The following PARD3B variants were observed in gnomAD, a reference collection of about 807,000 sequenced individuals.
The protein encoded by PARD3B is par-3 family cell polarity regulator beta.
PARD3B carries 103 observed loss-of-function variants against 130.2 expected under a neutral mutation model. That is an observed-to-expected ratio of 0.79 (90% CI 0.67 to 0.93). PARD3B has a LOEUF of 0.93. Among genes scored for constraint, PARD3B ranks in the 40% least tolerant of loss-of-function variants. The pLI, the probability that PARD3B is intolerant of heterozygous loss-of-function variation, is 0.00. For synonymous variants in PARD3B, 583 were observed against 553.2 expected (o/e 1.05, Z -0.76); for missense variants, 1,609 against 1,499.2 (o/e 1.07, Z -1.21).
chr2:204,557,286 C>G (rs1051516194), intron 1 of PARD3B, among the ~76,000 whole-genome samples: 1 of 152,176 alleles, frequency 6.6e-6, no homozygotes, highest in Admixed American at 6.5e-5. Context: ...ACTCTATTCT[C>G]TGTGAATCTG....
rs772482176 is a variant in PARD3B at position 205,351,675 on chromosome 2, C to T, written c.2631-49338C>T. ...AAATTGGAGGCAGTTATTTCATTTC[C>T]GGTGATGTTTTCTGATTCTCTATAT... On this transcript the variant is annotated intron_variant, in intron 18 of 22. Transcript: ENST00000406610. The surrounding 1 kb of genome is among the most constrained non-coding windows in gnomAD (Gnocchi z 4.2). 5.3e-5 allele frequency among the ~76,000 whole-genome samples: 8 copies of T among 152,102 alleles called. No homozygotes were observed. The highest frequency in any genetic ancestry group is 1.2e-4 in the Non-Finnish European group (8 of 68,002).
At chr2:205,566,082 A>G (rs2053322404) in intron 22 of PARD3B, among the ~76,000 whole-genome samples, 1 of 152,214 alleles carries the variant, frequency 6.6e-6, no homozygotes, top group Admixed American at 6.5e-5. Flanking sequence ...GTAGGAGAAC[A>G]CGTAATGAAC....
chr2:205,411,095 G>T (rs1370946750), intron 19 of PARD3B, among the ~76,000 whole-genome samples: 2 of 152,006 alleles, frequency 1.3e-5, no homozygotes, highest in Non-Finnish European at 2.9e-5. Context: ...ACCATACTAT[G>T]GGGGAAGTGC....
chr2:205,399,967 C>G (rs1044121788), intron 18 of PARD3B, among the ~76,000 whole-genome samples: 11 of 152,086 alleles, frequency 7.2e-5, no homozygotes, highest in Admixed American at 5.2e-4. Context: ...GGTGGGAGGT[C>G]TTGGTCAAGG....
chr2:204,841,455 T>C (rs1286864135), intron 2 of PARD3B, among the ~76,000 whole-genome samples: 2 of 151,656 alleles, frequency 1.3e-5, no homozygotes, highest in Non-Finnish European at 2.9e-5. Flanking sequence ...ATTTGTAAAG[T>C]AGACAAATGC....
chr2:204,623,559 CT>C lies in PARD3B; in HGVS notation c.121-62613del, dbSNP rs1305116312. On this transcript the variant is annotated intron_variant, in intron 1 of 22. Transcript: ENST00000406610. This position sits in a 1 kb window ranked among gnomAD's most constrained non-coding sequence, Gnocchi z 4.5. The stretch of plus-strand genomic sequence containing the variant: ...GCAGTCCATGACCTTTTGAGAATGA[CT>C]TTTTTTTTCTACTTGGCATAATGTC... 6.6e-6 allele frequency among the ~76,000 whole-genome samples: 1 copy of C among 151,458 alleles called. No individual in the cohort carries two copies. Among genetic ancestry groups the C allele is most frequent in the Non-Finnish European group, 1.5e-5 (1 of 67,822 alleles).
At chr2:205,561,087 A>G (rs191336649) in intron 22 of PARD3B, among the ~76,000 whole-genome samples, 8 of 152,282 alleles carry the variant, frequency 5.3e-5, no homozygotes, top group Non-Finnish European at 7.4e-5. Flanking sequence ...GCTGTCTACT[A>G]TCTTTGGTTA....
At chr2:205,001,301 T>G (rs1694811149) in intron 3 of PARD3B, among the ~76,000 whole-genome samples, 1 of 152,234 alleles carries the variant, frequency 6.6e-6, no homozygotes, top group Non-Finnish European at 1.5e-5. Flanking sequence ...CAATGCTCTT[T>G]CAGTGGATAG....
In PARD3B at chr2:205,066,611, A is replaced by G. The variant is rs1356787542; in HGVS notation, c.504+18921A>G. Among the ~76,000 whole-genome samples, 4 of 152,204 alleles carry G rather than the reference A, an allele frequency of 2.6e-5. No individual in the cohort carries two copies. The East Asian group carries it at 7.7e-4, about 29-fold the overall frequency. On this transcript the variant is annotated intron_variant, in intron 4 of 22. Coordinates refer to ENST00000406610, the MANE Select transcript of PARD3B (RefSeq NM_001302769.2). ...AGTTTCTTCATCTGTAAAATGAGAA[A>G]GGTGGTATAGTTAAAATGGGAGCTC...
chr2:204,774,361 T>C (rs2041521223), intron 2 of PARD3B, among the ~76,000 whole-genome samples: 1 of 152,080 alleles, frequency 6.6e-6, no homozygotes, highest in African/African-American at 2.4e-5. Context: ...ATAGTCCATG[T>C]AATTGTTTAA....
chr2:204,979,036 A>G lies in PARD3B; in HGVS notation c.394+13713A>G, dbSNP rs182254908. 2.4e-4 allele frequency among the ~76,000 whole-genome samples: 36 copies of G among 151,366 alleles called. No individual in the cohort carries two copies. The East Asian group carries it at 7.0e-3, about 29-fold the overall frequency. ...GAGGTGGAGTTAGATGGATAAAATC[A>G]CTGGAAATGAATACAAAAAATTAGC... is the stretch of plus-strand genomic sequence containing the variant. On this transcript the variant is annotated intron_variant, in intron 3 of 22. Transcript: ENST00000406610.
chr2:205,508,471 C>A (rs2050459536), intron 21 of PARD3B, among the ~76,000 whole-genome samples: 1 of 151,590 alleles, frequency 6.6e-6, no homozygotes. Flanking sequence ...ACATGAGAGG[C>A]TGAGACAGGA....
intron 16 of PARD3B, among the ~76,000 whole-genome samples, chr2:205,293,068 T>C (rs1319219699): frequency 6.6e-6 from 1 of 152,142 alleles, no homozygotes; most frequent in Non-Finnish European, 1.5e-5. Context: ...AATGCTCTTT[T>C]TTTTCAAGTA....
At chr2:204,734,622 T>C (rs1405798664) in intron 2 of PARD3B, among the ~76,000 whole-genome samples, 1 of 152,118 alleles carries the variant, frequency 6.6e-6, no homozygotes, top group Admixed American at 6.6e-5. Context: ...CTCAAAAGTG[T>C]TTCACAAAGT....
intron 18 of PARD3B, among the ~76,000 whole-genome samples, chr2:205,306,746 C>T (rs532161970): frequency 4.6e-5 from 7 of 152,132 alleles, no homozygotes; most frequent in Non-Finnish European, 7.3e-5. Flanking sequence ...AACTGTTTTC[C>T]ATAGCCTTTT....
Position 205,244,917 on chromosome 2 carries a change from C to T in PARD3B, c.2141-861C>T, listed in dbSNP as rs1031380781. 3.9e-5 allele frequency among the ~76,000 whole-genome samples: 6 copies of T among 152,172 alleles called. No homozygotes were observed. The highest frequency in any genetic ancestry group is 9.7e-5 in the African/African-American group (4 of 41,446). ...ACTATTCCCAGCCCTGTGTGAACTT[C>T]GGATGCTGTTCCTCTTCCAGTTTGG... On this transcript the variant is annotated intron_variant, in intron 15 of 22. Transcript: ENST00000406610. This position sits in a 1 kb window ranked among gnomAD's most constrained non-coding sequence, Gnocchi z 4.7.
chr2:205,407,875 G>T lies in PARD3B; in HGVS notation c.2741+6752G>T, dbSNP rs2046463577. Reference sequence around the variant, plus strand: ...CTTCCATTACTCTTATACCATATCAGAGTTTATTTTGCAGGAAGCTCATTT... The same window carrying T: ...CTTCCATTACTCTTATACCATATCATAGTTTATTTTGCAGGAAGCTCATTT... On this transcript the variant is annotated intron_variant, in intron 19 of 22. Coordinates refer to ENST00000406610, the MANE Select transcript of PARD3B (RefSeq NM_001302769.2). The surrounding 1 kb of genome is among the most constrained non-coding windows in gnomAD (Gnocchi z 4.1). Among the ~76,000 whole-genome samples the T allele has an allele frequency of 6.6e-6, 1 of 151,994 alleles. No individual in the cohort carries two copies.
chr2:205,089,152 T>C (rs1259142399), intron 4 of PARD3B, among the ~76,000 whole-genome samples: 1 of 149,296 alleles, frequency 6.7e-6, no homozygotes, highest in East Asian at 2.0e-4. Context: ...CTTTCTTTTT[T>C]TTTTTTCTTT....
intron 22 of PARD3B, among the ~76,000 whole-genome samples, chr2:205,614,656 A>C (rs2105803327): frequency 6.6e-6 from 1 of 151,908 alleles, no homozygotes; most frequent in Non-Finnish European, 1.5e-5. Context: ...CAGTGAGCTG[A>C]GATCGCACCA....
Sources: allele counts gnomAD v4.1 joint callset (sites outside exome capture counted in the v4.1 genomes callset), GRCh38; gene constraint gnomAD v4.1.1; non-coding constraint Gnocchi (gnomAD v3.1); transcripts MANE v1.5; gene names NCBI Gene and HGNC (gene_info 2026-07-23, HGNC 2026-07-21).